The following STON2 variants were observed in gnomAD, a reference collection of about 807,000 sequenced individuals.
STON2 encodes the protein stonin 2, also known as stonin-2.
A neutral mutation model predicts 65.7 loss-of-function variants in STON2; 29 were observed. The ratio of observed to expected loss-of-function variants is 0.44; its 90% CI spans 0.33 to 0.60. The LOEUF is 0.60. STON2 is among the 20% of genes least tolerant of loss of function. The pLI, the probability that STON2 is intolerant of heterozygous loss-of-function variation, is 0.03. For synonymous variants in STON2, 404 were observed against 414.2 expected (o/e 0.98, Z 0.30); for missense variants, 1,054 against 1,118.1 (o/e 0.94, Z 0.82).
chr14:81,287,492 T>C (rs1895381426), intron 5 of STON2, among the ~76,000 whole-genome samples: 1 of 152,178 alleles, frequency 6.6e-6, no homozygotes, highest in Non-Finnish European at 1.5e-5. Context: ...CTTACTAAGG[T>C]GACCTATGAA....
At chr14:81,350,279 T>C (rs1189078834) in intron 4 of STON2, among the ~76,000 whole-genome samples, 16 of 152,148 alleles carry the variant, frequency 1.1e-4, no homozygotes, top group African/African-American at 3.4e-4. Context: ...TTGATTATTA[T>C]ACACTGTATG....
intron 4 of STON2, among the ~76,000 whole-genome samples, chr14:81,347,108 A>C (rs923646137): frequency 6.6e-6 from 1 of 152,050 alleles, no homozygotes; most frequent in African/African-American, 2.4e-5. Context: ...AAAATAAAAA[A>C]AAACCCCGAA....
intron 6 of STON2, among the ~76,000 whole-genome samples, chr14:81,272,114 C>T (rs561843213): frequency 1.8e-4 from 28 of 152,170 alleles, no homozygotes; most frequent in African/African-American, 6.0e-4. Context: ...CCCAGCTACT[C>T]GGGAGGCTGA....
intron 2 of STON2, among the ~76,000 whole-genome samples, chr14:81,414,741 C>T (rs1338546100): frequency 6.6e-6 from 1 of 152,032 alleles, no homozygotes; most frequent in African/African-American, 2.4e-5. Context: ...ACAACAAGAG[C>T]AGGAATTTCC....
chr14:81,434,073 A>G (rs1307292681), intron 1 of STON2, among the ~76,000 whole-genome samples: 1 of 152,130 alleles, frequency 6.6e-6, no homozygotes, highest in Admixed American at 6.5e-5. Context: ...AACTTTTAAG[A>G]TCTTCTCTGG....
At chr14:81,309,546 C>T (rs1262384982) in intron 5 of STON2, among the ~76,000 whole-genome samples, 2 of 152,138 alleles carry the variant, frequency 1.3e-5, no homozygotes, top group African/African-American at 4.8e-5. Context: ...AGGTCTAGTG[C>T]TCTGCAAATC....
At chr14:81,415,931 C>A (rs1021274722) in intron 2 of STON2, among the ~76,000 whole-genome samples, 5 of 152,180 alleles carry the variant, frequency 3.3e-5, no homozygotes, top group Non-Finnish European at 7.3e-5. Context: ...AGGCCCTGAG[C>A]TTGCATGACA....
chr14:81,301,134 G>A (rs1267763767), intron 5 of STON2, among the ~76,000 whole-genome samples: 1 of 151,906 alleles, frequency 6.6e-6, no homozygotes, highest in Non-Finnish European at 1.5e-5. Flanking sequence ...ACCCCATAAG[G>A]AAGATATTTT....
In STON2 at chr14:81,308,569, G is replaced by A. The variant is rs576526209; in HGVS notation, c.742+15448C>T. On this transcript the variant is annotated intron_variant, in intron 5 of 7. Coordinates refer to ENST00000614646, the MANE Select transcript of STON2 (RefSeq NM_001394390.1). ...AACCCCAGAATTCTACATGCTGAAG[G>A]TGGGGCATTTATTCAAGGGTATCCC... Among the ~76,000 whole-genome samples, 15 of 151,966 alleles carry A rather than the reference G, an allele frequency of 9.9e-5. No individual in the cohort carries two copies. In the South Asian group the frequency reaches 2.9e-3, roughly 29 times the overall value.
chr14:81,387,358 G>C (rs527467620), intron 3 of STON2, among the ~76,000 whole-genome samples: 1 of 152,048 alleles, frequency 6.6e-6, no homozygotes, highest in South Asian at 2.1e-4. Context: ...TGACATTAAA[G>C]GTTCTAATAA....
rs575699731 is a variant in STON2 at position 81,316,802 on chromosome 14, C to G, written c.742+7215G>C. Among the ~76,000 whole-genome samples the G allele has an allele frequency of 1.1e-4, 16 of 152,214 alleles. No homozygotes were observed. The South Asian group carries it at 1.9e-3, about 18-fold the overall frequency. On this transcript the variant is annotated intron_variant, in intron 5 of 7. Coordinates refer to ENST00000614646, the MANE Select transcript of STON2 (RefSeq NM_001394390.1). The stretch of plus-strand genomic sequence containing the variant: ...TTGGGAGGCCAAGGCGGGTGGATCA[C>G]GAGGTCAAGAGATTAAGACCATCCT...
intron 4 of STON2, among the ~76,000 whole-genome samples, chr14:81,366,256 C>T (rs1898721275): frequency 6.6e-6 from 1 of 152,144 alleles, no homozygotes; most frequent in African/African-American, 2.4e-5. Context: ...CACGATTATG[C>T]TGGGAACTGG....
At chr14:81,352,889 C>A (rs961140019) in intron 4 of STON2, among the ~76,000 whole-genome samples, 1 of 152,142 alleles carries the variant, frequency 6.6e-6, no homozygotes, top group Non-Finnish European at 1.5e-5. Context: ...AACTGTTGCT[C>A]TTTCTTAGAT....
Position 81,265,971 on chromosome 14 carries a change from A to G in STON2, c.*2443T>C, listed in dbSNP as rs17111629. 0.11 allele frequency: 104,410 copies of G among 985,282 alleles called. 5,871 individuals are homozygous for G. The highest frequency in any genetic ancestry group is 0.19 in the African/African-American group (11,137 of 57,274). 61.0% of individuals were successfully genotyped at this position (985,282 alleles called of 1,614,324 possible). On this transcript the variant is annotated 3_prime_UTR_variant, in exon 8 of 8. Transcript: ENST00000614646. The stretch of plus-strand genomic sequence containing the variant: ...AATCCATTTAGATGTTCTATGAGGA[A>G]TTAATCTCAAAAGCCTTCAGTACAA...
chr14:81,344,191 T>C (rs925654045), intron 4 of STON2, among the ~76,000 whole-genome samples: 2 of 152,210 alleles, frequency 1.3e-5, no homozygotes, highest in African/African-American at 4.8e-5. Context: ...AGATATTTCA[T>C]TTTATTTCAA....
rs374582017 is a variant in STON2 at position 81,395,924 on chromosome 14, A to C, written c.343T>G (p.Ser115Ala). The change falls in exon 3 of 8, where the codon TCT (serine) becomes GCT (alanine). Residue 115 changes from serine to alanine, a missense_variant. Physicochemically the swap from Ser to Ala is moderately conservative, Grantham distance 99. Coordinates refer to ENST00000614646, the MANE Select transcript of STON2 (RefSeq NM_001394390.1). The stretch of plus-strand genomic sequence containing the variant: ...TCAGCTGTTTCCTGATGAGGTGGAG[A>C]TGTGCTGGCCCAGGGTGTGTCATCT... ...FEDDTPWASTSPPHQETAETA... is the reference protein window; with the variant it reads ...FEDDTPWASTAPPHQETAETA... 4.3e-6 allele frequency: 7 copies of C among 1,613,830 alleles called. No individual in the cohort carries two copies. Among genetic ancestry groups the C allele is most frequent in the Non-Finnish European group, 5.9e-6 (7 of 1,179,984 alleles).
chr14:81,397,229 G>A lies in STON2; in HGVS notation c.89-1051C>T, dbSNP rs138174761. 1.1e-3 allele frequency among the ~76,000 whole-genome samples: 166 copies of A among 151,988 alleles called. 1 individual carries two copies. Among genetic ancestry groups the A allele is most frequent in the African/African-American group, 3.9e-3 (161 of 41,446 alleles). On this transcript the variant is annotated intron_variant, in intron 2 of 7. Transcript: ENST00000614646. ...TCTTTTCTCCCATCACTAGCCAACC[G>A]GTCCATCTGCAAGTATTCAAAGCCT...
At chr14:81,388,964 T>C (rs933936671) in intron 3 of STON2, among the ~76,000 whole-genome samples, 1 of 152,144 alleles carries the variant, frequency 6.6e-6, no homozygotes, top group African/African-American at 2.4e-5. Context: ...GTTCTACTTC[T>C]CCTCCTCCTT....
Position 81,397,963 on chromosome 14 carries a change from C to T in STON2, c.88+332G>A, listed in dbSNP as rs546805240. On this transcript the variant is annotated intron_variant, in intron 2 of 7. Transcript: ENST00000614646. ...AACCCAAGCACTCTGGCTCCAGAGC[C>T]TGTCACTTTTAACAACTACTTTTAA... Among the ~76,000 whole-genome samples the T allele has an allele frequency of 2.6e-5, 4 of 152,292 alleles. No homozygotes were observed. The South Asian group carries it at 8.3e-4, about 32-fold the overall frequency.
Sources: allele counts gnomAD v4.1 joint callset (sites outside exome capture counted in the v4.1 genomes callset), GRCh38; gene constraint gnomAD v4.1.1; transcripts MANE v1.5; gene names NCBI Gene and HGNC (gene_info 2026-07-23, HGNC 2026-07-21).